The following TXNDC12 variants were observed in gnomAD, a reference collection of about 807,000 sequenced individuals.
The protein encoded by TXNDC12 is thioredoxin domain-containing protein 12.
A neutral mutation model predicts 24.2 loss-of-function variants in TXNDC12; 22 were observed. The observed-to-expected ratio is 0.91, with a 90% CI of 0.65 to 1.30. The LOEUF (loss-of-function observed/expected upper bound fraction) is 1.30. TXNDC12 is among the 50% of genes most tolerant of loss of function. The probability of loss-of-function intolerance (pLI) is 0.00; values close to 1 mark genes in which losing one functional copy is unlikely to be tolerated. For synonymous variants in TXNDC12, 58 were observed against 73.4 expected (o/e 0.79, Z 1.07); for missense variants, 184 against 205.8 (o/e 0.89, Z 0.65).
intron 2 of TXNDC12, among the ~76,000 whole-genome samples, chr1:52,039,364 T>C (rs1304408289): frequency 6.6e-6 from 1 of 152,066 alleles, no homozygotes; most frequent in Non-Finnish European, 1.5e-5. Flanking sequence ...AGTCTCGCTC[T>C]GTCTCCCAGG....
Position 52,027,247 on chromosome 1 carries a change from C to T in TXNDC12, c.285+28G>A, listed in dbSNP as rs1001263112. 3 of 1,534,712 alleles carry T rather than the reference C, an allele frequency of 2.0e-6. No individual in the cohort carries two copies. In the African/African-American group the frequency reaches 4.1e-5, roughly 21 times the overall value. On this transcript the variant is annotated intron_variant, in intron 4 of 6. Coordinates refer to ENST00000371626, the MANE Select transcript of TXNDC12 (RefSeq NM_015913.4). ...AACTTTAAAAGTCTTAAAATCATAGCAGAAAGGAGAAACTCTCAAAGTCTT... is the reference window on the plus strand; with the variant it reads ...AACTTTAAAAGTCTTAAAATCATAGTAGAAAGGAGAAACTCTCAAAGTCTT...
chr1:52,034,242 C>T (rs1443014217), intron 2 of TXNDC12, among the ~76,000 whole-genome samples: 2 of 152,112 alleles, frequency 1.3e-5, no homozygotes, highest in East Asian at 1.9e-4. Flanking sequence ...AACGCTTTCC[C>T]CACAAAAGAT....
At chr1:52,032,900 C>A (rs78775514) in intron 2 of TXNDC12, 2 of 1,612,802 alleles carry the variant, frequency 1.2e-6, no homozygotes, top group Admixed American at 3.4e-5. Flanking sequence ...CTCTTCTGCG[C>A]TTCCATCAAT....
At position 52,020,399 on chromosome 1, in the gene TXNDC12, C is replaced by A; in HGVS notation, c.*534G>T. The A allele has an allele frequency of 3.5e-6, 1 of 286,782 alleles. No individual in the cohort carries two copies. The highest frequency in any genetic ancestry group is 6.9e-6 in the Non-Finnish European group (1 of 145,814). 17.8% of individuals were successfully genotyped at this position (286,782 alleles called of 1,614,324 possible). ...GGCTGTAGAAATTTGGGAAGAAGCC[C>A]ACAATTATTCCCAGGAGAAAAAAGG... On this transcript the variant is annotated 3_prime_UTR_variant, in exon 7 of 7. Transcript: ENST00000371626.
intron 2 of TXNDC12, among the ~76,000 whole-genome samples, chr1:52,037,990 C>T (rs532565276): frequency 1.3e-5 from 2 of 151,872 alleles, no homozygotes; most frequent in South Asian, 4.1e-4. Flanking sequence ...TTCAGTGGTG[C>T]ACTCATGGCT....
intron 1 of TXNDC12, among the ~76,000 whole-genome samples, chr1:52,050,497 C>T (rs1250418906): frequency 6.6e-6 from 1 of 152,202 alleles, no homozygotes; most frequent in East Asian, 1.9e-4. Flanking sequence ...TCAATCCCTT[C>T]ATCCAAAAAT....
intron 6 of TXNDC12, 73 bp downstream of exon 6, chr1:52,023,418 A>G (rs1685629137): frequency 8.0e-7 from 1 of 1,249,126 alleles, no homozygotes; most frequent in South Asian, 1.2e-5. Context: ...TTACTTTCCT[A>G]TCACAGACCT....
chr1:52,039,912 T>TTTTTTA (rs995275327), intron 2 of TXNDC12, among the ~76,000 whole-genome samples: 3 of 151,862 alleles, frequency 2.0e-5, no homozygotes, highest in Non-Finnish European at 4.4e-5. Flanking sequence ...AGTTTTTTAT[T>TTTTTTA]TTTTTATTTT....
chr1:52,023,458 C>G (rs748465352), intron 6 of TXNDC12, 33 bp downstream of exon 6: 57 of 1,555,486 alleles, frequency 3.7e-5, no homozygotes, highest in South Asian at 2.8e-4. Flanking sequence ...TTCAATCTAG[C>G]AATAATCCTC....
chr1:52,028,236 C>A (rs1277021571), intron 3 of TXNDC12, among the ~76,000 whole-genome samples: 1 of 152,126 alleles, frequency 6.6e-6, no homozygotes, highest in Non-Finnish European at 1.5e-5. Context: ...AGAAAGAACA[C>A]ATGCCACAGA....
At chr1:52,033,387 G>A (rs763118829) in intron 2 of TXNDC12, 13 of 1,613,092 alleles carry the variant, frequency 8.1e-6, no homozygotes, top group African/African-American at 4.0e-5. Flanking sequence ...TCCGGCCAGG[G>A]TTCTCGTTCG....
At chr1:52,024,627 C>T (rs1438511867) in intron 4 of TXNDC12, 48 bp from the exon 5 acceptor site, 5 of 1,467,352 alleles carry the variant, frequency 3.4e-6, no homozygotes, top group Non-Finnish European at 3.8e-6. Context: ...TCCTCTCTCT[C>T]CTCAAAACCA....
At chr1:52,054,940 G>T in intron 1 of TXNDC12, 60 bp downstream of exon 1, 1 of 1,302,948 alleles carries the variant, frequency 7.7e-7, no homozygotes, top group Non-Finnish European at 1.1e-6. Context: ...GGCAAGAAGA[G>T]ATTATACTGG....
chr1:52,054,983 T>C lies in TXNDC12; in HGVS notation c.97+17A>G, dbSNP rs1431475576. ...ATAGTAAAGATCAGTAAAGAGAAGA[T>C]AAGAACGCGGTCTGACCCTTTCCAA... is the stretch of plus-strand genomic sequence containing the variant. On this transcript the variant is annotated intron_variant, in intron 1 of 6. Transcript: ENST00000371626. The C allele has an allele frequency of 1.3e-6, 2 of 1,585,226 alleles. No homozygotes were observed. The highest frequency in any genetic ancestry group is 1.1e-5 in the South Asian group (1 of 90,492).
chr1:52,034,179 AC>A, intron 2 of TXNDC12: 1 of 690,706 alleles, frequency 1.4e-6, no homozygotes, highest in Non-Finnish European at 2.0e-6. Flanking sequence ...TTATTCAATT[AC>A]CATTTCAATC....
intron 5 of TXNDC12, among the ~76,000 whole-genome samples, chr1:52,024,080 G>A (rs1685639331): frequency 6.6e-6 from 1 of 150,486 alleles, no homozygotes; most frequent in African/African-American, 2.5e-5. Flanking sequence ...CTGCAGCCTT[G>A]ACCTCCCAGG....
intron 2 of TXNDC12, chr1:52,032,051 C>T (rs1685771325): frequency 1.2e-6 from 1 of 815,048 alleles, no homozygotes; most frequent in Admixed American, 6.2e-5. Flanking sequence ...ACAAGTATAC[C>T]TAAAATGTTA....
intron 4 of TXNDC12, among the ~76,000 whole-genome samples, chr1:52,026,419 T>C (rs1231882568): frequency 6.6e-6 from 1 of 152,214 alleles, no homozygotes; most frequent in Non-Finnish European, 1.5e-5. Flanking sequence ...ATATGAGGTA[T>C]GTAAAAGCTA....
chr1:52,021,679 G>T (rs578004072), intron 6 of TXNDC12, among the ~76,000 whole-genome samples: 1 of 152,118 alleles, frequency 6.6e-6, no homozygotes, highest in South Asian at 2.1e-4. Context: ...ACTCAAGGGG[G>T]ACAGCTATTT....
Sources: allele counts gnomAD v4.1 joint callset (sites outside exome capture counted in the v4.1 genomes callset), GRCh38; gene constraint gnomAD v4.1.1; transcripts MANE v1.5; gene names NCBI Gene and HGNC (gene_info 2026-07-23, HGNC 2026-07-21).